Variants in WFDC3 observed in about 807,000 individuals in gnomAD.
WFDC3 encodes the protein WAP four-disulfide core domain protein 3.
A neutral mutation model predicts 25.8 loss-of-function variants in WFDC3; 15 were observed. That is an observed-to-expected ratio of 0.58 (90% confidence interval 0.39 to 0.89). The LOEUF is 0.89. WFDC3 is among the 40% of genes least tolerant of loss of function. WFDC3 has a pLI of 0.00. For synonymous variants in WFDC3, 103 were observed against 107.1 expected (o/e 0.96, Z 0.24); for missense variants, 264 against 289.8 (o/e 0.91, Z 0.65).
chr20:45,774,443 C>T lies in WFDC3; in HGVS notation c.681G>A (p.Glu227=). The change falls in exon 7 of 7, where the codon GAG becomes GAA. Residue 227 remains glutamate, a splice_region_variant and synonymous_variant. Coordinates refer to ENST00000243938, the MANE Select transcript of WFDC3 (RefSeq NM_080614.2). Reference sequence around the variant, plus strand: ...ATCAGCACAGCTAGGGCACCGGGATCTCTGCAAGTAGAAGAAACATCAAGT... The same window carrying T: ...ATCAGCACAGCTAGGGCACCGGGATTTCTGCAAGTAGAAGAAACATCAAGT... ...NWTVRSDSEL[E]IPVP 1 of 1,614,118 alleles carries T rather than the reference C, an allele frequency of 6.2e-7. No individual in the cohort carries two copies. Among genetic ancestry groups the T allele is most frequent in the African/African-American group, 1.3e-5 (1 of 75,030 alleles).
intron 4 of WFDC3, among the ~76,000 whole-genome samples, chr20:45,784,577 A>G (rs1321718514): frequency 6.6e-6 from 1 of 152,164 alleles, no homozygotes; most frequent in Non-Finnish European, 1.5e-5. Context: ...AGCCGTCTCT[A>G]CTAAATACAA....
At chr20:45,776,648 A>G (rs1980193397) in intron 5 of WFDC3, among the ~76,000 whole-genome samples, 1 of 109,412 alleles carries the variant, frequency 9.1e-6, no homozygotes, top group Admixed American at 1.1e-4. Flanking sequence ...ATATATATAT[A>G]TATATATATA....
chr20:45,791,761 C>T, intron 1 of WFDC3, 71 bp downstream of exon 1: 1 of 369,112 alleles, frequency 2.7e-6, no homozygotes, highest in Non-Finnish European at 4.8e-6. Context: ...GACTGAACCG[C>T]CACTGAACAC....
intron 5 of WFDC3, 85 bp from the exon 6 acceptor site, chr20:45,775,687 C>A: frequency 6.5e-7 from 1 of 1,548,544 alleles, no homozygotes; most frequent in Admixed American, 1.8e-5. Context: ...CACACAGAGG[C>A]TCTAGGTCAA....
chr20:45,790,870 T>C (rs934011762), intron 1 of WFDC3: 17 of 471,102 alleles, frequency 3.6e-5, no homozygotes, highest in Admixed American at 1.9e-4. Context: ...GTATGAAGTC[T>C]AGCTGGCAGA....
In WFDC3 at chr20:45,789,534, C is replaced by T. The variant is rs1371154574; in HGVS notation, c.82+360G>A. Among the ~76,000 whole-genome samples, 9 of 152,036 alleles carry T rather than the reference C, an allele frequency of 5.9e-5. No individual in the cohort carries two copies. In the East Asian group the frequency reaches 1.5e-3, roughly 26 times the overall value. On this transcript the variant is annotated intron_variant, in intron 2 of 6. Coordinates refer to ENST00000243938, the MANE Select transcript of WFDC3 (RefSeq NM_080614.2). ...AAAAAAAAAAAAATTCTGCAACCAC[C>T]TTCCCCTCCTCATACACAAATACTA...
intron 5 of WFDC3, among the ~76,000 whole-genome samples, chr20:45,776,278 C>CTGTGTGTGTGTG (rs3080047): frequency 0.068 from 6,958 of 101,790 alleles, 265 homozygotes; most frequent in Non-Finnish European, 0.095. Flanking sequence ...GCTTTTATCT[C>CTGTGTGTGTGTG]TGTGTGTGTG....
chr20:45,791,322 A>C (rs1430883386), intron 1 of WFDC3, among the ~76,000 whole-genome samples: 3 of 126,828 alleles, frequency 2.4e-5, no homozygotes, highest in Non-Finnish European at 3.2e-5. Context: ...TTTTTGAGAC[A>C]GTCTCCCTCT....
At position 45,791,880 on chromosome 20, in the gene WFDC3, C is replaced by T. The variant is rs1981014489; in HGVS notation, c.-56G>A. 1.5e-6 allele frequency: 1 copy of T among 664,948 alleles called. No individual in the cohort carries two copies. Among genetic ancestry groups the T allele is most frequent in the Non-Finnish European group, 2.1e-6 (1 of 470,098 alleles). 41.2% of individuals were successfully genotyped at this position (664,948 alleles called of 1,614,324 possible). On this transcript the variant is annotated 5_prime_UTR_variant, in exon 1 of 7. Transcript: ENST00000243938. ...TGGGCGAGGCGCGGCGGTTCGGTTC[C>T]CATGGTAACCCCGCAGCTCCAGCGT...
At chr20:45,790,074 C>A in intron 1 of WFDC3, 92 bp from the exon 2 acceptor site, 1 of 895,786 alleles carries the variant, frequency 1.1e-6, no homozygotes, top group Non-Finnish European at 1.8e-6. Context: ...GGGATGGCCC[C>A]AAACCCAGTC....
At chr20:45,787,452 G>A (rs528086566) in intron 4 of WFDC3, among the ~76,000 whole-genome samples, 31 of 151,664 alleles carry the variant, frequency 2.0e-4, no homozygotes, top group African/African-American at 6.3e-4. Flanking sequence ...CACCACGCCC[G>A]GCTACTTTTT....
chr20:45,791,303 T>C (rs1601021300), intron 1 of WFDC3, among the ~76,000 whole-genome samples: 1 of 145,812 alleles, frequency 6.9e-6, no homozygotes, highest in African/African-American at 2.5e-5. Context: ...TGTGCTTTTT[T>C]TTTTTTTTTT....
Position 45,774,250 on chromosome 20 carries a change from C to A in WFDC3, c.*178G>T. On this transcript the variant is annotated 3_prime_UTR_variant, in exon 7 of 7. Transcript: ENST00000243938. ...TTTATCGGGAAAGAGAAGCACCACA[C>A]ACCCACTACCCAATCCAGGGCTATT... is the stretch of plus-strand genomic sequence containing the variant. 2 of 784,446 alleles carry A rather than the reference C, an allele frequency of 2.5e-6. No individual in the cohort carries two copies. The highest frequency in any genetic ancestry group is 4.2e-6 in the Non-Finnish European group (2 of 474,390). The allele number at this position is 784,446 out of a possible 1,614,324, so 48.6% of individuals were successfully genotyped here.
chr20:45,776,318 G>GTGTGTGTATGTA (rs58644271), intron 5 of WFDC3, among the ~76,000 whole-genome samples: 8 of 139,790 alleles, frequency 5.7e-5, no homozygotes, highest in Non-Finnish European at 9.3e-5. Flanking sequence ...GTGTGTGTGT[G>GTGTGTGTATGTA]TGTTTCCAGC....
In WFDC3 at chr20:45,778,101, A is replaced by G. The variant is rs117842342; in HGVS notation, c.359-892T>C. Among the ~76,000 whole-genome samples the G allele has an allele frequency of 4.1e-3, 627 of 152,290 alleles. 2 individuals are homozygous for G. The highest frequency in any genetic ancestry group is 6.8e-3 in the Middle Eastern group (2 of 294). On this transcript the variant is annotated intron_variant, in intron 4 of 6. Transcript: ENST00000243938. ...AATGTAATGTAAGCAGAGCCTTGAT[A>G]AGCACTAGCATACTGGGGCTTGTCC... is the stretch of plus-strand genomic sequence containing the variant.
intron 4 of WFDC3, among the ~76,000 whole-genome samples, chr20:45,779,379 A>G (rs1980337966): frequency 6.6e-6 from 1 of 152,224 alleles, no homozygotes; most frequent in South Asian, 2.1e-4. Context: ...TGATGGAAAA[A>G]GCAAGTATTG....
intron 5 of WFDC3, 144 bp from the exon 6 acceptor site, chr20:45,775,746 G>A: frequency 9.5e-7 from 1 of 1,049,264 alleles, no homozygotes; most frequent in Non-Finnish European, 1.4e-6. Flanking sequence ...GGGAAACCAT[G>A]GCGCTGGAGG....
chr20:45,776,633 A>T (rs1384060614), intron 5 of WFDC3, among the ~76,000 whole-genome samples: 3,023 of 68,280 alleles, frequency 0.044, 46 homozygotes, highest in Non-Finnish European at 0.057. Flanking sequence ...AAAAAAAAAA[A>T]AAATATATAT....
chr20:45,781,157 G>A (rs1980427089), intron 4 of WFDC3, among the ~76,000 whole-genome samples: 3 of 151,990 alleles, frequency 2.0e-5, no homozygotes, highest in Non-Finnish European at 4.4e-5. Flanking sequence ...GCTGAGGCAG[G>A]AGAATTGCTT....
Sources: gnomAD v4.1 joint callset for allele counts (sites outside exome capture counted in the v4.1 genomes callset) on GRCh38, gnomAD v4.1.1 for gene constraint, MANE v1.5 for transcripts, NCBI Gene and HGNC (gene_info 2026-07-23, HGNC 2026-07-21) for gene names.